IL31RA: variants seen among roughly 807,000 people sequenced by gnomAD.
IL31RA encodes the protein interleukin 31 receptor A.
IL31RA carries 66 observed loss-of-function variants against 83.7 expected under a neutral mutation model. That is an observed-to-expected ratio of 0.79 (90% CI 0.65 to 0.97). IL31RA has a LOEUF of 0.97. Among genes scored for constraint, IL31RA ranks in the 50% least tolerant of loss-of-function variants. IL31RA has a pLI of 0.00. For missense variants in IL31RA, 798 were observed against 919.4 expected (o/e 0.87, Z 1.71); for synonymous variants, 325 against 329.0 (o/e 0.99, Z 0.13).
chr5:55,871,247 T>G (rs1297429636), intron 3 of IL31RA, among the ~76,000 whole-genome samples: 1 of 152,250 alleles, frequency 6.6e-6, no homozygotes, highest in Admixed American at 6.5e-5. Flanking sequence ...CTGGAGGCCA[T>G]TTTTGTGCTG....
At chr5:55,856,451 A>G (rs1745369588) in intron 1 of IL31RA, among the ~76,000 whole-genome samples, 1 of 152,224 alleles carries the variant, frequency 6.6e-6, no homozygotes, top group African/African-American at 2.4e-5. Context: ...GAAATGATTG[A>G]TGGCTCTCCT....
intron 5 of IL31RA, among the ~76,000 whole-genome samples, chr5:55,885,422 C>T (rs766528272): frequency 3.9e-4 from 59 of 152,136 alleles, no homozygotes; most frequent in Non-Finnish European, 7.5e-4. Context: ...CTCAGCAAAG[C>T]GAGATGGGCT....
At chr5:55,888,218 G>T (rs1230773219) in intron 5 of IL31RA, among the ~76,000 whole-genome samples, 1 of 152,216 alleles carries the variant, frequency 6.6e-6, no homozygotes, top group Non-Finnish European at 1.5e-5. Context: ...TCCATTGCCT[G>T]TGCAGAGTTG....
In IL31RA at chr5:55,918,641, G is replaced by T. The variant is rs1201571775; in HGVS notation, c.*1521G>T. Among the ~76,000 whole-genome samples, 1 of 152,116 alleles carries T rather than the reference G, an allele frequency of 6.6e-6. No homozygotes were observed. The highest frequency in any genetic ancestry group is 1.9e-4 in the East Asian group (1 of 5,186). Reference sequence around the variant, plus strand: ...CATGTATTTGTCCGGCCGTGTTTTTGTCTCTGGCCTCGTGTGTTTACTATG... The same window carrying T: ...CATGTATTTGTCCGGCCGTGTTTTTTTCTCTGGCCTCGTGTGTTTACTATG... On this transcript the variant is annotated 3_prime_UTR_variant, in exon 15 of 15. Coordinates refer to ENST00000652347, the MANE Select transcript of IL31RA (RefSeq NM_139017.7).
rs78313095 is a variant in IL31RA, at chr5:55,869,054, G to A, written c.272+146G>A. The A allele has an allele frequency of 1.9e-3, 1,405 of 728,630 alleles. 15 individuals are homozygous for A. In the African/African-American group the frequency reaches 0.022, roughly 11 times the overall value. The allele number at this position is 728,630 out of a possible 1,614,324, so 45.1% of individuals were successfully genotyped here. Reference sequence around the variant, plus strand: ...TTACTGTGTGCAGCCAGTGGCTTGTGGACGGGATCTGGAGCTGCAGAGGGA... The same window carrying A: ...TTACTGTGTGCAGCCAGTGGCTTGTAGACGGGATCTGGAGCTGCAGAGGGA... On this transcript the variant is annotated intron_variant, in intron 3 of 14. Coordinates refer to ENST00000652347, the MANE Select transcript of IL31RA (RefSeq NM_139017.7).
chr5:55,844,213 C>T, the IL31RA span, among the ~76,000 whole-genome samples: 595 of 152,122 alleles, frequency 3.9e-3, 5 homozygotes, highest in African/African-American at 0.014. Context: ...GAGAAAAAAA[C>T]CCCCACCAAC....
At chr5:55,913,253 G>A (rs1022594816) in intron 12 of IL31RA, among the ~76,000 whole-genome samples, 2 of 151,956 alleles carry the variant, frequency 1.3e-5, no homozygotes, top group Non-Finnish European at 2.9e-5. Flanking sequence ...ATCACACCCG[G>A]CTAATTTTTT....
intron 2 of IL31RA, among the ~76,000 whole-genome samples, chr5:55,866,413 C>T (rs911554645): frequency 1.3e-5 from 2 of 151,988 alleles, no homozygotes; most frequent in Non-Finnish European, 2.9e-5. Flanking sequence ...ACCGTTCTAC[C>T]TCATATCATC....
chr5:55,913,161 G>A (rs896954804), intron 12 of IL31RA, among the ~76,000 whole-genome samples: 1 of 152,024 alleles, frequency 6.6e-6, no homozygotes, highest in East Asian at 1.9e-4. Context: ...CATGATCAGC[G>A]CTCACTGCAA....
intron 4 of IL31RA, 89 bp from the exon 5 acceptor site, chr5:55,882,955 C>CT: frequency 8.4e-7 from 1 of 1,196,782 alleles, no homozygotes; most frequent in Non-Finnish European, 1.2e-6. Context: ...CCACAATGCA[C>CT]GTATCATTTT....
At chr5:55,874,462 G>A (rs113408136) in intron 4 of IL31RA, among the ~76,000 whole-genome samples, 57 of 152,064 alleles carry the variant, frequency 3.7e-4, no homozygotes, top group African/African-American at 1.3e-3. Flanking sequence ...ATTTCAATAC[G>A]GATATTGTCA....
At chr5:55,885,346 G>A (rs1022423665) in intron 5 of IL31RA, among the ~76,000 whole-genome samples, 11 of 152,158 alleles carry the variant, frequency 7.2e-5, no homozygotes, top group African/African-American at 1.4e-4. Flanking sequence ...AATTAGGCAC[G>A]TGGACACATT....
At chr5:55,846,444 T>C (rs1434516394), upstream of IL31RA, among the ~76,000 whole-genome samples, 1 of 152,230 alleles carries the variant, frequency 6.6e-6, no homozygotes, top group Non-Finnish European at 1.5e-5. Flanking sequence ...CCTGGATAAA[T>C]TCTAATCTTG....
intron 4 of IL31RA, among the ~76,000 whole-genome samples, chr5:55,879,425 CTTTTTTT>C (rs869152529): frequency 1.7e-4 from 8 of 45,798 alleles, no homozygotes; most frequent in East Asian, 9.1e-4. Context: ...AGTTTCTGTC[CTTTTTTT>C]TTTTTTTTTT....
Position 55,916,711 on chromosome 5 carries a change from C to A in IL31RA, c.1886C>A (p.Ser629Tyr), listed in dbSNP as rs370356008. 8.1e-6 allele frequency: 13 copies of A among 1,613,978 alleles called. No homozygotes were observed. The highest frequency in any genetic ancestry group is 1.6e-4 in the Middle Eastern group (1 of 6,084). The change falls in exon 15 of 15, where the codon TCC (serine) becomes TAC (tyrosine). Residue 629 changes from serine to tyrosine, a missense_variant. Transcript: ENST00000652347. ...GAAGACAGGATCTTAAAACCATGTT[C>A]CACCCCCAGTGACAAGTTGGTGATT... is the stretch of plus-strand genomic sequence containing the variant. ...NTEDRILKPCSTPSDKLVIDK... is the reference protein window; with the variant it reads ...NTEDRILKPCYTPSDKLVIDK...
intron 1 of IL31RA, among the ~76,000 whole-genome samples, chr5:55,854,721 G>T (rs1453416878): frequency 1.3e-5 from 2 of 149,718 alleles, no homozygotes; most frequent in Non-Finnish European, 3.0e-5. Context: ...CTCCAGTCTG[G>T]GTCACAGAGT....
intron 4 of IL31RA, among the ~76,000 whole-genome samples, chr5:55,872,895 T>C (rs2112387316): frequency 6.6e-6 from 1 of 152,306 alleles, no homozygotes; most frequent in South Asian, 2.1e-4. Context: ...ACTTTTAAAA[T>C]TATAACTGTA....
In IL31RA at chr5:55,903,304, C is replaced by T. The variant is rs952116482; in HGVS notation, c.1070-2802C>T. 1.3e-5 allele frequency among the ~76,000 whole-genome samples: 2 copies of T among 152,188 alleles called. No homozygotes were observed. The highest frequency in any genetic ancestry group is 2.1e-4 in the South Asian group (1 of 4,832). On this transcript the variant is annotated intron_variant, in intron 8 of 14. Coordinates refer to ENST00000652347, the MANE Select transcript of IL31RA (RefSeq NM_139017.7). This position sits in a 1 kb window ranked among gnomAD's most constrained non-coding sequence, Gnocchi z 4.7. ...AGAAGCAGCACCAGCACGTGAGCCCCGGGTGACTGTCTTCATGCAGATCAC... is the reference window on the plus strand; with the variant it reads ...AGAAGCAGCACCAGCACGTGAGCCCTGGGTGACTGTCTTCATGCAGATCAC...
In IL31RA at chr5:55,917,591, C is replaced by T. The variant is rs1368438066; in HGVS notation, c.*471C>T. On this transcript the variant is annotated 3_prime_UTR_variant, in exon 15 of 15. Coordinates refer to ENST00000652347, the MANE Select transcript of IL31RA (RefSeq NM_139017.7). ...GTCTGGTGGGAGCCTGGGCTCTGGT[C>T]TTCCCCTACAAGGTAGCCCTGAAGC... 6.6e-6 allele frequency among the ~76,000 whole-genome samples: 1 copy of T among 152,116 alleles called. No homozygotes were observed. Among genetic ancestry groups the T allele is most frequent in the Non-Finnish European group, 1.5e-5 (1 of 68,018 alleles).
Sources: allele counts gnomAD v4.1 joint callset (sites outside exome capture counted in the v4.1 genomes callset), GRCh38; gene constraint gnomAD v4.1.1; non-coding constraint Gnocchi (gnomAD v3.1); transcripts MANE v1.5; gene names NCBI Gene and HGNC (gene_info 2026-07-23, HGNC 2026-07-21).